The following FAM168A variants were observed in gnomAD, a reference collection of about 807,000 sequenced individuals.
FAM168A encodes the protein protein FAM168A.
FAM168A carries 3 observed loss-of-function variants against 28.5 expected under a neutral mutation model. The observed-to-expected ratio is 0.11, with a 90% confidence interval of 0.05 to 0.27. FAM168A has a LOEUF of 0.27. Ranked by LOEUF, FAM168A falls within the 10% of genes least tolerant of loss-of-function variation. FAM168A has a pLI of 1.00. For synonymous variants in FAM168A, 122 were observed against 124.2 expected, an observed-to-expected ratio of 0.98 and a Z score of 0.12; for missense variants, 222 against 311.5, an observed-to-expected ratio of 0.71 and a Z score of 2.16.
At position 73,529,074 on chromosome 11, in the gene FAM168A, G is replaced by T. The variant is rs141673411; in HGVS notation, c.-18-60582C>A. On this transcript the variant is annotated intron_variant, in intron 1 of 7. Transcript: ENST00000356467. ...GTGTCTGAAGCTCAAGCTCTAACTG[G>T]CTTATTTAAAAGGTCGATTATTACC... Among the ~76,000 whole-genome samples the T allele has an allele frequency of 5.9e-3, 891 of 152,260 alleles. 8 individuals carry two copies. Among genetic ancestry groups the T allele is most frequent in the Middle Eastern group, 0.027 (8 of 294 alleles).
At chr11:73,529,601 T>C (rs1943490766) in intron 1 of FAM168A, among the ~76,000 whole-genome samples, 1 of 152,164 alleles carries the variant, frequency 6.6e-6, no homozygotes, top group African/African-American at 2.4e-5. Flanking sequence ...TAACACAAGC[T>C]ATGCACATGA....
At chr11:73,426,207 T>G (rs762051794) in intron 3 of FAM168A, among the ~76,000 whole-genome samples, 1 of 152,200 alleles carries the variant, frequency 6.6e-6, no homozygotes, top group Non-Finnish European at 1.5e-5. Flanking sequence ...TCAAGCCAGA[T>G]TACCATTAAT....
At chr11:73,409,371 C>A in intron 6 of FAM168A, 116 bp downstream of exon 6, 1 of 1,346,846 alleles carries the variant, frequency 7.4e-7, no homozygotes, top group Non-Finnish European at 1.0e-6. Context: ...GGTTCCCAAG[C>A]CCCCTGGCAC....
chr11:73,498,557 G>A (rs1484076781), intron 1 of FAM168A, among the ~76,000 whole-genome samples: 1 of 152,146 alleles, frequency 6.6e-6, no homozygotes, highest in Non-Finnish European at 1.5e-5. Flanking sequence ...TAAGCCGTTT[G>A]AGCTCCTTGG....
chr11:73,551,540 T>C (rs533133469), intron 1 of FAM168A, among the ~76,000 whole-genome samples: 1 of 152,334 alleles, frequency 6.6e-6, no homozygotes, highest in South Asian at 2.1e-4. Context: ...ACTCCTTTAT[T>C]CAATAGCCAT....
intron 1 of FAM168A, among the ~76,000 whole-genome samples, chr11:73,492,430 G>A (rs1434409864): frequency 2.0e-5 from 3 of 152,058 alleles, no homozygotes; most frequent in African/African-American, 7.2e-5. Flanking sequence ...TGGATCCCTT[G>A]AATCCAGGAG....
intron 1 of FAM168A, among the ~76,000 whole-genome samples, chr11:73,523,406 C>A (rs1407979084): frequency 6.6e-6 from 1 of 151,986 alleles, no homozygotes; most frequent in Non-Finnish European, 1.5e-5. Flanking sequence ...AGTGATCCTC[C>A]TACCTCTGCC....
chr11:73,506,352 T>C (rs762186722), intron 1 of FAM168A, among the ~76,000 whole-genome samples: 28 of 150,850 alleles, frequency 1.9e-4, no homozygotes, highest in Middle Eastern at 3.4e-3. Flanking sequence ...GGAGCTCCAG[T>C]GGCGCAATCA....
intron 1 of FAM168A, among the ~76,000 whole-genome samples, chr11:73,592,683 G>A (rs907831036): frequency 4.6e-5 from 7 of 151,972 alleles, no homozygotes; most frequent in East Asian, 1.9e-4. Flanking sequence ...GGGAGATGGG[G>A]AGACAAAAAG....
At chr11:73,454,002 C>G (rs185878854) in intron 2 of FAM168A, among the ~76,000 whole-genome samples, 1 of 152,216 alleles carries the variant, frequency 6.6e-6, no homozygotes, top group Non-Finnish European at 1.5e-5. Flanking sequence ...TCATAGGATA[C>G]TTATGGACAG....
At chr11:73,541,102 G>A (rs1292739224) in intron 1 of FAM168A, among the ~76,000 whole-genome samples, 1 of 151,938 alleles carries the variant, frequency 6.6e-6, no homozygotes, top group Non-Finnish European at 1.5e-5. Flanking sequence ...CTACTCGGGA[G>A]GCTGAGACAG....
At chr11:73,575,630 G>A (rs535033520) in intron 1 of FAM168A, among the ~76,000 whole-genome samples, 1 of 152,286 alleles carries the variant, frequency 6.6e-6, no homozygotes, top group East Asian at 1.9e-4. Flanking sequence ...AGCACTTTGG[G>A]AGGCTGAGGC....
chr11:73,545,027 A>ATTATATATATAATATATTATAT (rs57233496), intron 1 of FAM168A, among the ~76,000 whole-genome samples: 5 of 77,444 alleles, frequency 6.5e-5, no homozygotes, highest in African/African-American at 5.9e-4. Context: ...TAGTATATAT[A>ATTATATATATAATATATTATAT]ATATATATAT....
At chr11:73,443,512 G>C (rs1231671932) in intron 2 of FAM168A, among the ~76,000 whole-genome samples, 2 of 152,154 alleles carry the variant, frequency 1.3e-5, no homozygotes, top group African/African-American at 2.4e-5. Flanking sequence ...ATCTGGTCTG[G>C]CTTCTGGATT....
At chr11:73,436,896 G>A (rs1028375201) in intron 2 of FAM168A, among the ~76,000 whole-genome samples, 5 of 152,166 alleles carry the variant, frequency 3.3e-5, no homozygotes, top group African/African-American at 1.2e-4. Context: ...GGTCAAAGAT[G>A]GCTGTGTTTA....
At position 73,573,701 on chromosome 11, in the gene FAM168A, G is replaced by A. The variant is rs2134724754; in HGVS notation, c.-19+24222C>T. On this transcript the variant is annotated intron_variant, in intron 1 of 7. Transcript: ENST00000356467. Reference sequence around the variant, plus strand: ...TGCCCGTAATCCCAGCACTTTGGGAGGCCAAGACAGGAGGTTGGCTGGAAG... The same window carrying A: ...TGCCCGTAATCCCAGCACTTTGGGAAGCCAAGACAGGAGGTTGGCTGGAAG... Among the ~76,000 whole-genome samples the A allele has an allele frequency of 2.0e-5, 3 of 152,306 alleles. No individual in the cohort carries two copies. The South Asian group carries it at 6.2e-4, about 32-fold the overall frequency.
rs572979155 is a variant in FAM168A, at chr11:73,465,662, C to T, written c.70+2743G>A. Reference sequence around the variant, plus strand: ...CTAATTCCATCATGAAGGTTCAATCCTCATGACCTCATCTAAACCTACAAC... The same window carrying T: ...CTAATTCCATCATGAAGGTTCAATCTTCATGACCTCATCTAAACCTACAAC... On this transcript the variant is annotated intron_variant, in intron 2 of 7. Transcript: ENST00000356467. Among the ~76,000 whole-genome samples, 5 of 95,294 alleles carry T rather than the reference C, an allele frequency of 5.2e-5. No individual in the cohort carries two copies. In the South Asian group the frequency reaches 1.2e-3, roughly 23 times the overall value. 62.5% of individuals were successfully genotyped at this position (95,294 alleles called of 152,430 possible). A position where few individuals can be genotyped will look rare whatever the true frequency, so the allele number is the denominator to read the frequency against.
At chr11:73,466,296 G>T (rs1209446597) in intron 2 of FAM168A, among the ~76,000 whole-genome samples, 1 of 152,130 alleles carries the variant, frequency 6.6e-6, no homozygotes, top group Non-Finnish European at 1.5e-5. Context: ...GTTTATCATG[G>T]GGAAGAGAGA....
intron 2 of FAM168A, among the ~76,000 whole-genome samples, chr11:73,467,398 A>T (rs1376409016): frequency 6.6e-6 from 1 of 151,804 alleles, no homozygotes; most frequent in East Asian, 1.9e-4. Context: ...CTATTCTCTG[A>T]CAGAGCTGGG....
Sources: allele counts gnomAD v4.1 joint callset (sites outside exome capture counted in the v4.1 genomes callset), GRCh38; gene constraint gnomAD v4.1.1; transcripts MANE v1.5; gene names NCBI Gene and HGNC (gene_info 2026-07-23, HGNC 2026-07-21).